Variants in EPHA6 observed in about 807,000 individuals in gnomAD.
EPHA6 encodes the protein ephrin type-A receptor 6.
Under a neutral mutation model 112.0 loss-of-function variants are expected in EPHA6, and 50 were observed. The observed-to-expected ratio is 0.45, with a 90% CI of 0.36 to 0.56. EPHA6 has a LOEUF of 0.56. Among genes scored for constraint, EPHA6 ranks in the 20% least tolerant of loss-of-function variants. The pLI is 0.00. For missense variants in EPHA6, 1,280 were observed against 1,417.4 expected (o/e 0.90, Z 1.56); for synonymous variants, 529 against 490.7 (o/e 1.08, Z -1.03).
At chr3:97,071,809 G>C (rs532671772) in intron 3 of EPHA6, among the ~76,000 whole-genome samples, 1 of 151,750 alleles carries the variant, frequency 6.6e-6, no homozygotes, top group East Asian at 2.0e-4. Flanking sequence ...GTGAGATTTT[G>C]GTGCACCGAT....
At chr3:96,852,674 A>G (rs1250659556) in intron 1 of EPHA6, among the ~76,000 whole-genome samples, 2 of 151,034 alleles carry the variant, frequency 1.3e-5, no homozygotes, top group Non-Finnish European at 2.9e-5. Context: ...CCTCCACTCC[A>G]TATTTATTTG....
rs140748484 is a variant in EPHA6, at chr3:97,569,401, GT to G, written c.2387-23209del. On this transcript the variant is annotated intron_variant, in intron 11 of 17. Transcript: ENST00000389672. ...TCCCAATGAAGTATTTTACTTAAAAGTTAAGAAATGCTTGATTTTGTATTCA... is the reference window on the plus strand; with the variant it reads ...TCCCAATGAAGTATTTTACTTAAAAGTAAGAAATGCTTGATTTTGTATTCA... 4.9e-3 allele frequency among the ~76,000 whole-genome samples: 744 copies of G among 152,242 alleles called. 7 individuals carry two copies. The highest frequency in any genetic ancestry group is 0.017 in the African/African-American group (711 of 41,550).
intron 3 of EPHA6, among the ~76,000 whole-genome samples, chr3:97,138,196 C>T (rs1307083541): frequency 6.6e-6 from 1 of 152,142 alleles, no homozygotes; most frequent in Non-Finnish European, 1.5e-5. Context: ...TGTGACCACC[C>T]TAGACTTCTA....
intron 14 of EPHA6, among the ~76,000 whole-genome samples, chr3:97,702,301 TA>T (rs1332315408): frequency 1.3e-5 from 2 of 152,186 alleles, no homozygotes; most frequent in Non-Finnish European, 2.9e-5. Context: ...TGATTTGGTA[TA>T]AGGGAAATAC....
chr3:97,484,473 A>G (rs1425472565), intron 10 of EPHA6, among the ~76,000 whole-genome samples: 1 of 152,174 alleles, frequency 6.6e-6, no homozygotes, highest in African/African-American at 2.4e-5. Context: ...AATTTGGTTC[A>G]ATGTAGTTTT....
At chr3:97,045,134 CG>C (rs199638599) in intron 3 of EPHA6, among the ~76,000 whole-genome samples, 2 of 151,582 alleles carry the variant, frequency 1.3e-5, no homozygotes, top group African/African-American at 2.4e-5. Context: ...TAAACTGTGC[CG>C]TTTTTAAGAC....
At chr3:97,392,529 A>G (rs942923000) in intron 5 of EPHA6, among the ~76,000 whole-genome samples, 1 of 151,646 alleles carries the variant, frequency 6.6e-6, no homozygotes, top group African/African-American at 2.4e-5. Context: ...ATTTTTTTGT[A>G]ACTTGTTTTT....
intron 3 of EPHA6, among the ~76,000 whole-genome samples, chr3:96,993,263 G>T (rs559603386): frequency 6.6e-6 from 1 of 151,636 alleles, no homozygotes; most frequent in East Asian, 1.9e-4. Flanking sequence ...TCTTAATCTG[G>T]CCTTTATATG....
intron 8 of EPHA6, among the ~76,000 whole-genome samples, chr3:97,478,114 G>C (rs981033440): frequency 6.6e-6 from 1 of 151,618 alleles, no homozygotes; most frequent in Non-Finnish European, 1.5e-5. Context: ...ATTTACAATA[G>C]AAAAAAATCC....
chr3:97,547,978 G>C (rs901872832), intron 11 of EPHA6, among the ~76,000 whole-genome samples: 1 of 152,164 alleles, frequency 6.6e-6, no homozygotes, highest in Non-Finnish European at 1.5e-5. Context: ...CCCTTTCTTT[G>C]ACTAGGAAAG....
chr3:97,617,298 A>G (rs2107487163), intron 13 of EPHA6, among the ~76,000 whole-genome samples: 1 of 152,260 alleles, frequency 6.6e-6, no homozygotes, highest in South Asian at 2.1e-4. Context: ...GAAAGGAAAA[A>G]CTATTACCAG....
rs140627886 is a variant in EPHA6, at chr3:97,260,047, C to T, written c.1606+15760C>T. Among the ~76,000 whole-genome samples the T allele has an allele frequency of 5.5e-4, 84 of 152,266 alleles. 1 individual carries two copies. The highest frequency in any genetic ancestry group is 1.7e-3 in the African/African-American group (70 of 41,558). ...AACTCCCGAACTCAGATGATCAGCC[C>T]GCTTCGGCCTCCCAAAGTGCTGGGA... is the stretch of plus-strand genomic sequence containing the variant. On this transcript the variant is annotated intron_variant, in intron 5 of 17. Coordinates refer to ENST00000389672, the MANE Select transcript of EPHA6 (RefSeq NM_001080448.3).
At chr3:97,137,839 T>C (rs1295112071) in intron 3 of EPHA6, among the ~76,000 whole-genome samples, 1 of 151,898 alleles carries the variant, frequency 6.6e-6, no homozygotes, top group African/African-American at 2.4e-5. Flanking sequence ...GTACTTAAAG[T>C]ATAATAAAAA....
intron 1 of EPHA6, among the ~76,000 whole-genome samples, chr3:96,837,121 A>T (rs2034463557): frequency 1.3e-5 from 2 of 152,122 alleles, no homozygotes; most frequent in African/African-American, 4.8e-5. Flanking sequence ...GTGACTTTTC[A>T]TATTGGCTAT....
chr3:97,693,411 C>A (rs1360668486), intron 14 of EPHA6, among the ~76,000 whole-genome samples: 2 of 152,116 alleles, frequency 1.3e-5, no homozygotes, highest in African/African-American at 4.8e-5. Context: ...TTCTGAAGGA[C>A]AATTGTTTCT....
chr3:97,385,615 G>A (rs1432847269), intron 5 of EPHA6, among the ~76,000 whole-genome samples: 1 of 152,144 alleles, frequency 6.6e-6, no homozygotes, highest in African/African-American at 2.4e-5. Flanking sequence ...ATCTAAGTGT[G>A]TTAGTCCATT....
chr3:96,930,992 CAAA>C (rs754917681), intron 2 of EPHA6, among the ~76,000 whole-genome samples: 10 of 34,782 alleles, frequency 2.9e-4, no homozygotes, highest in Non-Finnish European at 6.6e-4. Flanking sequence ...ACTCTGTCTC[CAAA>C]AAAAAAAAAA....
At chr3:97,637,564 C>T (rs1250013609) in intron 13 of EPHA6, among the ~76,000 whole-genome samples, 2 of 152,004 alleles carry the variant, frequency 1.3e-5, no homozygotes, top group African/African-American at 4.8e-5. Flanking sequence ...AGACTTTGCT[C>T]TTACTTTATT....
chr3:97,301,896 T>TA (rs1485924682), intron 5 of EPHA6, among the ~76,000 whole-genome samples: 3 of 152,124 alleles, frequency 2.0e-5, no homozygotes, highest in African/African-American at 7.2e-5. Flanking sequence ...ACACATAGCT[T>TA]ATTTTAATCA....
Sources: allele counts gnomAD v4.1 joint callset (sites outside exome capture counted in the v4.1 genomes callset), GRCh38; gene constraint gnomAD v4.1.1; transcripts MANE v1.5; gene names NCBI Gene and HGNC (gene_info 2026-07-23, HGNC 2026-07-21).